RAB3IP: variants seen among roughly 807,000 people sequenced by gnomAD.
RAB3IP encodes the protein rab-3A-interacting protein.
A neutral mutation model predicts 59.1 loss-of-function variants in RAB3IP; 36 were observed. That is an observed-to-expected ratio of 0.61 (90% CI 0.47 to 0.80). The LOEUF is 0.80. Ranked by LOEUF, RAB3IP falls within the 30% of genes least tolerant of loss-of-function variation. RAB3IP has a pLI of 0.00. For missense variants in RAB3IP, 511 were observed against 536.0 expected (o/e 0.95, Z 0.46); for synonymous variants, 207 against 191.2 (o/e 1.08, Z -0.68).
At chr12:69,753,358 AT>A (rs546034434) in intron 1 of RAB3IP, among the ~76,000 whole-genome samples, 2 of 151,812 alleles carry the variant, frequency 1.3e-5, no homozygotes, top group Non-Finnish European at 2.9e-5. Context: ...TTGGTTTGGC[AT>A]TTTTTTTATT....
At chr12:69,806,044 A>G (rs1028151870) in intron 8 of RAB3IP, among the ~76,000 whole-genome samples, 36 of 152,102 alleles carry the variant, frequency 2.4e-4, no homozygotes, top group Admixed American at 6.5e-4. Flanking sequence ...CTCTTTTTCT[A>G]TTTATTGGAA....
intron 8 of RAB3IP, among the ~76,000 whole-genome samples, chr12:69,806,125 C>T (rs1215057335): frequency 6.6e-6 from 1 of 152,064 alleles, no homozygotes; most frequent in Non-Finnish European, 1.5e-5. Flanking sequence ...TCCATCTGGT[C>T]TGGACTTTTT....
chr12:69,797,477 CTTTTTTTTTT>C, intron 6 of RAB3IP, among the ~76,000 whole-genome samples: 11 of 54,944 alleles, frequency 2.0e-4, no homozygotes, highest in Non-Finnish European at 2.9e-4. Flanking sequence ...TCTTTTCTTT[CTTTTTTTTTT>C]TTTTTTTTTT....
At chr12:69,794,813 C>T (rs987936880) in intron 5 of RAB3IP, among the ~76,000 whole-genome samples, 1 of 152,086 alleles carries the variant, frequency 6.6e-6, no homozygotes, top group African/African-American at 2.4e-5. Flanking sequence ...AGAAAAGCCA[C>T]CTAAATGTTA....
intron 3 of RAB3IP, among the ~76,000 whole-genome samples, chr12:69,760,995 CCT>C (rs1232789168): frequency 2.0e-5 from 3 of 151,916 alleles, no homozygotes; most frequent in South Asian, 2.1e-4. Context: ...TTCCATTCTT[CCT>C]CTCTCTCTCC....
At chr12:69,790,317 A>G (rs1420002289) in intron 4 of RAB3IP, among the ~76,000 whole-genome samples, 2 of 152,242 alleles carry the variant, frequency 1.3e-5, no homozygotes, top group African/African-American at 2.4e-5. Flanking sequence ...GTCAAAAAGC[A>G]TCAAAAAGAA....
At chr12:69,743,910 T>C (rs2136097431) in intron 1 of RAB3IP, among the ~76,000 whole-genome samples, 1 of 150,128 alleles carries the variant, frequency 6.7e-6, no homozygotes, top group African/African-American at 2.5e-5. Context: ...CTGTTGAATG[T>C]TTAGTTGGCA....
At chr12:69,809,572 C>A (rs1880061676) in intron 8 of RAB3IP, among the ~76,000 whole-genome samples, 1 of 152,194 alleles carries the variant, frequency 6.6e-6, no homozygotes, top group African/African-American at 2.4e-5. Flanking sequence ...CACATAGTCC[C>A]ATATTTCTTG....
At chr12:69,763,285 G>A (rs931440934) in intron 3 of RAB3IP, among the ~76,000 whole-genome samples, 8 of 152,172 alleles carry the variant, frequency 5.3e-5, no homozygotes, top group Non-Finnish European at 8.8e-5. Context: ...GGTGGAGAAC[G>A]ACTCTGGTGA....
chr12:69,773,723 CCTACAAAGGATATGAA>C (rs2136181912), intron 3 of RAB3IP, among the ~76,000 whole-genome samples: 1 of 83,826 alleles, frequency 1.2e-5, no homozygotes, highest in East Asian at 3.2e-4. Context: ...CATCCATGTC[CCTACAAAGGATATGAA>C]CTCATCATAT....
In RAB3IP at chr12:69,789,632, A is replaced by G. The variant is rs140731316; in HGVS notation, c.607-4805A>G. Among the ~76,000 whole-genome samples the G allele has an allele frequency of 4.4e-3, 673 of 152,270 alleles. 4 individuals are homozygous for G. Among genetic ancestry groups the G allele is most frequent in the African/African-American group, 0.016 (651 of 41,560 alleles). ...TACCAAAGCCAGTAAATGTACCACA[A>G]GGAAAAAACTATGGGCCAATATTCT... On this transcript the variant is annotated intron_variant, in intron 4 of 10. Transcript: ENST00000247833.
intron 5 of RAB3IP, 21 bp downstream of exon 5, chr12:69,794,535 A>G: frequency 1.3e-6 from 2 of 1,567,852 alleles, no homozygotes; most frequent in Non-Finnish European, 1.7e-6. Context: ...GCAGCTCTTA[A>G]TAGTATAAAA....
At position 69,814,490 on chromosome 12, in the gene RAB3IP, A is replaced by G. The variant is rs181609457; in HGVS notation, c.1301-874A>G. The stretch of plus-strand genomic sequence containing the variant: ...AGCAGAATTTCTCGACCTTGGTACT[A>G]GTGACATTTTGAGCTGGATAATTCT... On this transcript the variant is annotated intron_variant, in intron 10 of 10. Transcript: ENST00000247833. 8.4e-4 allele frequency among the ~76,000 whole-genome samples: 128 copies of G among 152,236 alleles called. 1 individual carries two copies. Among genetic ancestry groups the G allele is most frequent in the African/African-American group, 2.7e-3 (113 of 41,556 alleles).
chr12:69,797,640 A>G (rs1169441134), intron 6 of RAB3IP, among the ~76,000 whole-genome samples: 1 of 151,708 alleles, frequency 6.6e-6, no homozygotes, highest in Non-Finnish European at 1.5e-5. Flanking sequence ...GTCATCTAGC[A>G]TTAGGTATAT....
chr12:69,781,318 G>T (rs140100670), intron 3 of RAB3IP, among the ~76,000 whole-genome samples: 2 of 151,576 alleles, frequency 1.3e-5, no homozygotes, highest in African/African-American at 2.4e-5. Flanking sequence ...CATCCCCCCC[G>T]TTAGCATTCC....
intron 1 of RAB3IP, among the ~76,000 whole-genome samples, chr12:69,747,953 G>T (rs1868598302): frequency 6.6e-6 from 1 of 152,040 alleles, no homozygotes; most frequent in Admixed American, 6.5e-5. Context: ...TCCTTTGTTG[G>T]AAATGATTTA....
At chr12:69,771,670 T>G (rs1873138084) in intron 3 of RAB3IP, among the ~76,000 whole-genome samples, 2 of 152,244 alleles carry the variant, frequency 1.3e-5, no homozygotes, top group African/African-American at 4.8e-5. Context: ...TTATTCCCAG[T>G]AGTGGAATTG....
intron 1 of RAB3IP, among the ~76,000 whole-genome samples, chr12:69,755,162 A>G (rs1869982701): frequency 6.6e-6 from 1 of 152,120 alleles, no homozygotes; most frequent in Non-Finnish European, 1.5e-5. Context: ...GCTCACTGCA[A>G]CCTGCATTTG....
chr12:69,764,745 AT>A (rs1326209216), intron 3 of RAB3IP, among the ~76,000 whole-genome samples: 2 of 152,056 alleles, frequency 1.3e-5, no homozygotes, highest in Non-Finnish European at 2.9e-5. Flanking sequence ...CAGTATGGCC[AT>A]TTTAACAATG....
Sources: gnomAD v4.1 joint callset for allele counts (sites outside exome capture counted in the v4.1 genomes callset) on GRCh38, gnomAD v4.1.1 for gene constraint, MANE v1.5 for transcripts, NCBI Gene and HGNC (gene_info 2026-07-23, HGNC 2026-07-21) for gene names.